ZMYM2: variants seen among roughly 807,000 people sequenced by gnomAD.
ZMYM2 encodes the protein zinc finger MYM-type protein 2.
In ZMYM2, 56 loss-of-function variants were observed where a neutral mutation model predicts 162.8. The observed-to-expected ratio is 0.34, with a 90% confidence interval of 0.28 to 0.43. The LOEUF (loss-of-function observed/expected upper bound fraction) is 0.43, where lower values mean the gene tolerates loss of function less well. Ranked by LOEUF, ZMYM2 falls within the 20% of genes least tolerant of loss-of-function variation. The pLI, the probability that ZMYM2 is intolerant of heterozygous loss-of-function variation, is 1.00. For missense variants in ZMYM2, 1,275 were observed against 1,621.8 expected, an observed-to-expected ratio of 0.79 and a Z score of 3.67; for synonymous variants, 510 against 541.6, an observed-to-expected ratio of 0.94 and a Z score of 0.81.
At chr13:20,060,624 A>G (rs991599832) in intron 16 of ZMYM2, among the ~76,000 whole-genome samples, 8 of 152,094 alleles carry the variant, frequency 5.3e-5, no homozygotes, top group African/African-American at 1.9e-4. Flanking sequence ...GTTGCAGTGA[A>G]CTGAGATAGC....
the ZMYM2 span, among the ~76,000 whole-genome samples, chr13:19,924,878 C>CTT: frequency 2.1e-3 from 281 of 136,770 alleles, 1 homozygote; most frequent in African/African-American, 6.9e-3. Context: ...TTTATTGAAA[C>CTT]TTTTTTTTTT....
At chr13:19,949,598 G>A in the ZMYM2 span, among the ~76,000 whole-genome samples, 129 of 151,050 alleles carry the variant, frequency 8.5e-4, 1 homozygote, top group African/African-American at 2.9e-3. Flanking sequence ...TTGAAAGAAA[G>A]AAAAAATAGG....
chr13:20,078,499 G>T (rs1269840565), intron 21 of ZMYM2, among the ~76,000 whole-genome samples: 1 of 152,158 alleles, frequency 6.6e-6, no homozygotes, highest in Non-Finnish European at 1.5e-5. Context: ...GAACAAACAT[G>T]CCAATAGTCT....
intron 2 of ZMYM2, 33 bp from the exon 3 acceptor site, chr13:19,993,030 A>G (rs534645637): frequency 6.5e-7 from 1 of 1,533,588 alleles, no homozygotes; most frequent in African/African-American, 1.4e-5. Flanking sequence ...AGTCATACTG[A>G]CATTTTAATT....
the ZMYM2 span, among the ~76,000 whole-genome samples, chr13:19,877,224 A>G: frequency 4.0e-5 from 6 of 151,852 alleles, no homozygotes; most frequent in African/African-American, 1.2e-4. Flanking sequence ...AAAAAAAAAA[A>G]AAAACAAAGA....
chr13:19,950,744 T>C, the ZMYM2 span, among the ~76,000 whole-genome samples: 3 of 152,256 alleles, frequency 2.0e-5, no homozygotes, highest in Non-Finnish European at 4.4e-5. Flanking sequence ...GTTTTAACAC[T>C]ACTCAGTACA....
the ZMYM2 span, among the ~76,000 whole-genome samples, chr13:19,884,831 G>C: frequency 2.8e-3 from 430 of 152,130 alleles, 2 homozygotes; most frequent in South Asian, 0.01. Flanking sequence ...CATTCCAGCA[G>C]TAAAAGAAAA....
At chr13:19,941,656 A>G in the ZMYM2 span, among the ~76,000 whole-genome samples, 1 of 140,858 alleles carries the variant, frequency 7.1e-6, no homozygotes, top group East Asian at 2.3e-4. Context: ...CCTCTAAGTT[A>G]TGTTTTGATT....
At chr13:20,063,443 TTA>T (rs959685488) in intron 18 of ZMYM2, among the ~76,000 whole-genome samples, 16 of 150,834 alleles carry the variant, frequency 1.1e-4, no homozygotes, top group Non-Finnish European at 2.4e-4. Context: ...AAGTAATTCA[TTA>T]TAGAAAGTTT....
intron 16 of ZMYM2, 118 bp from the exon 17 acceptor site, chr13:20,060,935 T>C (rs1593173540): frequency 1.0e-6 from 1 of 978,710 alleles, no homozygotes; most frequent in East Asian, 2.6e-5. Flanking sequence ...TGTGTTCTTT[T>C]CAAAGCTTTT....
chr13:20,051,287 T>G, intron 12 of ZMYM2, 146 bp from the exon 13 acceptor site: 1 of 706,522 alleles, frequency 1.4e-6, no homozygotes, highest in Non-Finnish European at 2.1e-6. Context: ...TATTGTAGAT[T>G]TTACTGTTTA....
chr13:19,935,272 T>C, the ZMYM2 span, among the ~76,000 whole-genome samples: 4 of 152,040 alleles, frequency 2.6e-5, no homozygotes, highest in Non-Finnish European at 5.9e-5. Context: ...TGGCTGGGAC[T>C]ACTGGTGCAT....
chr13:20,064,710 T>C (rs929113044), intron 19 of ZMYM2, among the ~76,000 whole-genome samples, 165 bp downstream of exon 19: 4 of 151,426 alleles, frequency 2.6e-5, no homozygotes, highest in South Asian at 4.2e-4. Flanking sequence ...ATTACTGCTA[T>C]TTATTACTAT....
At chr13:19,975,889 T>C (rs1004791172) in intron 2 of ZMYM2, among the ~76,000 whole-genome samples, 2 of 151,926 alleles carry the variant, frequency 1.3e-5, no homozygotes, top group Admixed American at 1.3e-4. Flanking sequence ...TGTATGTATG[T>C]ATGTATGTAT....
Position 19,977,728 on chromosome 13 carries a change from G to A in ZMYM2, c.-10-15335G>A, listed in dbSNP as rs535571451. ...GATGGTCTCGATCTCCTGACCTTGT[G>A]GTCCACCCACCTCAGCCTCCCAAAG... is the stretch of plus-strand genomic sequence containing the variant. On this transcript the variant is annotated intron_variant, in intron 2 of 24. Coordinates refer to ENST00000610343, the MANE Select transcript of ZMYM2 (RefSeq NM_197968.4). Among the ~76,000 whole-genome samples the A allele has an allele frequency of 8.5e-4, 128 of 151,360 alleles. 1 individual carries two copies. The highest frequency in any genetic ancestry group is 3.4e-3 in the Middle Eastern group (1 of 292).
intron 10 of ZMYM2, among the ~76,000 whole-genome samples, chr13:20,032,894 C>T (rs1326267211): frequency 6.6e-6 from 1 of 152,094 alleles, no homozygotes; most frequent in Non-Finnish European, 1.5e-5. Context: ...CAGGCGTGAG[C>T]CACCGCACCC....
At chr13:19,971,271 T>A (rs1213084991) in intron 2 of ZMYM2, among the ~76,000 whole-genome samples, 97 of 132,230 alleles carry the variant, frequency 7.3e-4, no homozygotes, top group African/African-American at 2.4e-3. Context: ...TATTTTTTTT[T>A]TTTTTTTTTT....
intron 7 of ZMYM2, among the ~76,000 whole-genome samples, chr13:20,023,005 A>G (rs190939480): frequency 1.3e-5 from 2 of 152,334 alleles, no homozygotes; most frequent in East Asian, 3.9e-4. Flanking sequence ...GTATTTAGGA[A>G]TAAAATCCAG....
intron 2 of ZMYM2, among the ~76,000 whole-genome samples, chr13:19,983,734 T>C (rs892763434): frequency 3.3e-5 from 5 of 152,180 alleles, no homozygotes; most frequent in African/African-American, 9.7e-5. Context: ...GCTCAAGTGA[T>C]CCTCCCGCCT....
Sources: gnomAD v4.1 joint callset for allele counts (sites outside exome capture counted in the v4.1 genomes callset) on GRCh38, gnomAD v4.1.1 for gene constraint, MANE v1.5 for transcripts, NCBI Gene and HGNC (gene_info 2026-07-23, HGNC 2026-07-21) for gene names.